BCAS3: variants seen among roughly 807,000 people sequenced by gnomAD.
The protein encoded by BCAS3 is BCAS4/BCAS3 fusion.
BCAS3 carries 53 observed loss-of-function variants against 116.1 expected under a neutral mutation model. The ratio of observed to expected loss-of-function variants is 0.46; its 90% CI spans 0.37 to 0.57. The LOEUF is 0.57. Ranked by LOEUF, BCAS3 falls within the 20% of genes least tolerant of loss-of-function variation. The pLI is 0.00. For missense variants in BCAS3, 917 were observed against 1,165.4 expected, an observed-to-expected ratio of 0.79 and a Z score of 3.10; for synonymous variants, 391 against 408.2, an observed-to-expected ratio of 0.96 and a Z score of 0.51.
Position 61,331,916 on chromosome 17 carries a change from G to A in BCAS3, c.2426-36411G>A, listed in dbSNP as rs1473163765. Among the ~76,000 whole-genome samples the A allele has an allele frequency of 4.6e-5, 7 of 152,276 alleles. No homozygotes were observed. The East Asian group carries it at 1.4e-3, about 29-fold the overall frequency. Reference sequence around the variant, plus strand: ...GCAAGAGCTTTATCTGCCCATAACTGAGCCCATGATGGGCTCGAGTGGTAT... The same window carrying A: ...GCAAGAGCTTTATCTGCCCATAACTAAGCCCATGATGGGCTCGAGTGGTAT... On this transcript the variant is annotated intron_variant, in intron 22 of 23. Transcript: ENST00000407086.
rs2065786748 is a variant in BCAS3 at position 61,020,321 on chromosome 17, G to T, written c.1637+4420G>T. Among the ~76,000 whole-genome samples, 1 of 152,192 alleles carries T rather than the reference G, an allele frequency of 6.6e-6. No individual in the cohort carries two copies. Among genetic ancestry groups the T allele is most frequent in the Non-Finnish European group, 1.5e-5 (1 of 68,042 alleles). On this transcript the variant is annotated intron_variant, in intron 16 of 23. Transcript: ENST00000407086. The surrounding 1 kb of genome is among the most constrained non-coding windows in gnomAD (Gnocchi z 4.5). ...CTGTCTCACTGCGAGACATACATGA[G>T]GCCAGTAGAACTACAAATAGCAGAA...
intron 6 of BCAS3, among the ~76,000 whole-genome samples, chr17:60,786,030 A>T (rs1159682140): frequency 2.0e-5 from 3 of 152,352 alleles, no homozygotes; most frequent in Non-Finnish European, 2.9e-5. Context: ...ATGCAATTTT[A>T]TGCCAGAGAC....
rs991574006 is a variant in BCAS3 at position 61,109,301 on chromosome 17, G to A, written c.2425+24737G>A. On this transcript the variant is annotated intron_variant, in intron 22 of 23. Transcript: ENST00000407086. ...ATTCCATTTGTGTGTGTGTGTGTGTGTGTGTGTGTGTGTGTATACACGCCA... is the reference window on the plus strand; with the variant it reads ...ATTCCATTTGTGTGTGTGTGTGTGTATGTGTGTGTGTGTGTATACACGCCA... Among the ~76,000 whole-genome samples, 30 of 151,654 alleles carry A rather than the reference G, an allele frequency of 2.0e-4. 1 individual carries two copies. Among genetic ancestry groups the A allele is most frequent in the African/African-American group, 6.8e-4 (28 of 41,388 alleles).
At chr17:60,738,236 G>T (rs914774961) in intron 5 of BCAS3, among the ~76,000 whole-genome samples, 1 of 152,234 alleles carries the variant, frequency 6.6e-6, no homozygotes, top group African/African-American at 2.4e-5. Flanking sequence ...TGATGGTGCT[G>T]TTGAGTTCAA....
At chr17:61,107,082 CTTTTTTT>C (rs755754824) in intron 22 of BCAS3, among the ~76,000 whole-genome samples, 1 of 106,388 alleles carries the variant, frequency 9.4e-6, no homozygotes, top group South Asian at 3.0e-4. Flanking sequence ...ACTAGGCTTA[CTTTTTTT>C]TTTTTTTTTT....
rs1298552673 is a variant in BCAS3 at position 61,251,160 on chromosome 17, G to A, written c.2426-117167G>A. Among the ~76,000 whole-genome samples the A allele has an allele frequency of 1.3e-5, 2 of 152,230 alleles. No homozygotes were observed. The highest frequency in any genetic ancestry group is 2.9e-5 in the Non-Finnish European group (2 of 68,044). ...GGCAGTGCTTGCCCAGCTGGAAGGT[G>A]AGACATTGGAGGCCTCAGCCTGGTG... On this transcript the variant is annotated intron_variant, in intron 22 of 23. Coordinates refer to ENST00000407086, the MANE Select transcript of BCAS3 (RefSeq NM_017679.5). The surrounding 1 kb of genome is among the most constrained non-coding windows in gnomAD (Gnocchi z 4.7).
chr17:60,790,740 GTTTTTTT>G (rs541425777), intron 6 of BCAS3, among the ~76,000 whole-genome samples: 1 of 118,920 alleles, frequency 8.4e-6, no homozygotes, highest in Non-Finnish European at 1.7e-5. Context: ...GTGTTTGTAG[GTTTTTTT>G]TTTTTTTTTT....
At chr17:60,921,986 C>CT (rs777238820) in intron 12 of BCAS3, among the ~76,000 whole-genome samples, 6 of 150,824 alleles carry the variant, frequency 4.0e-5, no homozygotes, top group South Asian at 2.1e-4. Flanking sequence ...ACATTTTTTT[C>CT]TTTTTTTTTC....
In BCAS3 at chr17:61,376,309, C is replaced by G. The variant is rs958311323; in HGVS notation, c.2593+7815C>G. On this transcript the variant is annotated intron_variant, in intron 23 of 23. Coordinates refer to ENST00000407086, the MANE Select transcript of BCAS3 (RefSeq NM_017679.5). The surrounding 1 kb of genome is among the most constrained non-coding windows in gnomAD (Gnocchi z 4.5). ...TAAGCAAACCCGGAGGTTGTGTGAG[C>G]TGAAGATGCTGCCTTCACAGGGCCA... 5.8e-4 allele frequency among the ~76,000 whole-genome samples: 88 copies of G among 152,186 alleles called. No homozygotes were observed. Among genetic ancestry groups the G allele is most frequent in the African/African-American group, 2.0e-3 (84 of 41,438 alleles).
intron 6 of BCAS3, among the ~76,000 whole-genome samples, chr17:60,790,216 G>A (rs2046642373): frequency 6.6e-6 from 1 of 152,168 alleles, no homozygotes. Flanking sequence ...CAGTAGGTTA[G>A]TGAAAACTAC....
At chr17:61,318,479 C>T (rs1182737751) in intron 22 of BCAS3, among the ~76,000 whole-genome samples, 1 of 152,178 alleles carries the variant, frequency 6.6e-6, no homozygotes, top group Non-Finnish European at 1.5e-5. Context: ...GTGACATCAG[C>T]AGCCCCTCTT....
chr17:60,835,014 G>A (rs1331618932), intron 7 of BCAS3, among the ~76,000 whole-genome samples: 1 of 151,702 alleles, frequency 6.6e-6, no homozygotes, highest in Non-Finnish European at 1.5e-5. Context: ...AAATTTTAAT[G>A]TTTAATTTTT....
chr17:60,818,372 A>G (rs1598924194), intron 7 of BCAS3, among the ~76,000 whole-genome samples: 3 of 152,346 alleles, frequency 2.0e-5, no homozygotes, highest in Non-Finnish European at 4.4e-5. Flanking sequence ...GGTGAAGCGC[A>G]GTGTCACCAT....
chr17:61,167,503 A>G (rs1451256106), intron 22 of BCAS3, among the ~76,000 whole-genome samples: 3 of 152,234 alleles, frequency 2.0e-5, no homozygotes, highest in African/African-American at 7.2e-5. Flanking sequence ...ATAAAATCTC[A>G]CTATAGATAG....
Position 61,392,155 on chromosome 17 carries a change from C to G in BCAS3, c.*30C>G. On this transcript the variant is annotated 3_prime_UTR_variant, in exon 24 of 24. Transcript: ENST00000407086. The surrounding 1 kb of genome is among the most constrained non-coding windows in gnomAD (Gnocchi z 6.4). The stretch of plus-strand genomic sequence containing the variant: ...CAGCAACCTGCTTCTGACTGGCCAG[C>G]CCCCTCCCCTGCTGGAGGAGGGGAG... 1 of 1,604,344 alleles carries G rather than the reference C, an allele frequency of 6.2e-7. No individual in the cohort carries two copies. Among genetic ancestry groups the G allele is most frequent in the Non-Finnish European group, 8.5e-7 (1 of 1,174,554 alleles).
rs910484224 is a variant in BCAS3, at chr17:61,376,803, C to A, written c.2593+8309C>A. Among the ~76,000 whole-genome samples, 1 of 152,164 alleles carries A rather than the reference C, an allele frequency of 6.6e-6. No homozygotes were observed. Among genetic ancestry groups the A allele is most frequent in the Non-Finnish European group, 1.5e-5 (1 of 68,040 alleles). On this transcript the variant is annotated intron_variant, in intron 23 of 23. Coordinates refer to ENST00000407086, the MANE Select transcript of BCAS3 (RefSeq NM_017679.5). This position sits in a 1 kb window ranked among gnomAD's most constrained non-coding sequence, Gnocchi z 4.5. ...GCCAGAACCTAGGGCTTTTCCTCTG[C>A]CTTATCTAATTGGGCCCTGGAGTTT... is the stretch of plus-strand genomic sequence containing the variant.
rs568314440 is a variant in BCAS3, at chr17:61,074,840, T to C, written c.2030-80T>C. ...TATTTTATCTTATAAATTACCATAG[T>C]ATCCAAAATGGTTGTGCCCACGTCT... On this transcript the variant is annotated intron_variant, in intron 19 of 23. Transcript: ENST00000407086. 98 of 811,960 alleles carry C rather than the reference T, an allele frequency of 1.2e-4. No homozygotes were observed. In the African/African-American group the frequency reaches 1.4e-3, roughly 11 times the overall value. The allele number at this position is 811,960 out of a possible 1,614,324, so 50.3% of individuals were successfully genotyped here. A position where few individuals can be genotyped will look rare whatever the true frequency, so the allele number is the denominator to read the frequency against.
In BCAS3 at chr17:61,139,294, C is replaced by T. The variant is rs1171305244; in HGVS notation, c.2425+54730C>T. The stretch of plus-strand genomic sequence containing the variant: ...TGTGAAGATTTTTTTTTCTTCATTT[C>T]CTGATTTGCTTCTTTAAGGAAGTGC... On this transcript the variant is annotated intron_variant, in intron 22 of 23. Coordinates refer to ENST00000407086, the MANE Select transcript of BCAS3 (RefSeq NM_017679.5). This position sits in a 1 kb window ranked among gnomAD's most constrained non-coding sequence, Gnocchi z 4.7. 6.6e-6 allele frequency among the ~76,000 whole-genome samples: 1 copy of T among 151,866 alleles called. No homozygotes were observed. The highest frequency in any genetic ancestry group is 1.5e-5 in the Non-Finnish European group (1 of 67,958).
chr17:61,245,744 G>C (rs1055099391), intron 22 of BCAS3, among the ~76,000 whole-genome samples: 2 of 152,114 alleles, frequency 1.3e-5, no homozygotes, highest in African/African-American at 4.8e-5. Context: ...AGAAAAAGCA[G>C]TTCCTAAGGG....
Sources: allele counts gnomAD v4.1 joint callset (sites outside exome capture counted in the v4.1 genomes callset), GRCh38; gene constraint gnomAD v4.1.1; non-coding constraint Gnocchi (gnomAD v3.1); transcripts MANE v1.5; gene names NCBI Gene and HGNC (gene_info 2026-07-23, HGNC 2026-07-21).